GRIP1: variants seen among roughly 807,000 people sequenced by gnomAD.
GRIP1 encodes glutamate receptor interacting protein 1, also known as glutamate receptor-interacting protein 1.
GRIP1 carries 45 observed loss-of-function variants against 129.9 expected under a neutral mutation model. The ratio of observed to expected loss-of-function variants is 0.35; its 90% confidence interval spans 0.27 to 0.44. The LOEUF (loss-of-function observed/expected upper bound fraction) is 0.44. GRIP1 is among the 20% of genes least tolerant of loss of function. The probability of loss-of-function intolerance (pLI) is 1.00; values close to 1 mark genes in which losing one functional copy is unlikely to be tolerated. For missense variants in GRIP1, 1,196 were observed against 1,396.8 expected (o/e 0.86, Z 2.29); for synonymous variants, 530 against 520.8 (o/e 1.02, Z -0.24).
intron 1 of GRIP1, among the ~76,000 whole-genome samples, chr12:66,926,491 C>A (rs796951795): frequency 1.8e-4 from 28 of 152,282 alleles, no homozygotes; most frequent in African/African-American, 6.7e-4. Flanking sequence ...GTTCTGCCTC[C>A]ATCATTTACT....
intron 1 of GRIP1, among the ~76,000 whole-genome samples, chr12:66,922,109 A>T (rs1250726524): frequency 7.2e-6 from 1 of 138,498 alleles, no homozygotes; most frequent in African/African-American, 2.6e-5. Context: ...TTTAGAAACC[A>T]ACGGTTTATA....
intron 1 of GRIP1, among the ~76,000 whole-genome samples, chr12:66,889,741 A>G (rs976577422): frequency 2.0e-5 from 3 of 152,342 alleles, no homozygotes; most frequent in Non-Finnish European, 2.9e-5. Flanking sequence ...CACAAATGTC[A>G]TCATGTGTTA....
chr12:66,499,535 A>C (rs934213562), intron 7 of GRIP1, among the ~76,000 whole-genome samples: 1 of 152,348 alleles, frequency 6.6e-6, no homozygotes, highest in Non-Finnish European at 1.5e-5. Flanking sequence ...GGGTAGAAAT[A>C]GCTTCTGTTG....
At chr12:66,724,002 C>A (rs2036176331) in intron 1 of GRIP1, among the ~76,000 whole-genome samples, 1 of 152,176 alleles carries the variant, frequency 6.6e-6, no homozygotes, top group African/African-American at 2.4e-5. Context: ...AAGCATCATG[C>A]CCTTGTGCCA....
At chr12:67,029,195 T>A (rs1014486437) in intron 1 of GRIP1, among the ~76,000 whole-genome samples, 3 of 152,116 alleles carry the variant, frequency 2.0e-5, no homozygotes, top group African/African-American at 7.2e-5. Flanking sequence ...CACTGCAACC[T>A]CCGCCTCTCA....
chr12:67,003,428 A>G (rs570606567), intron 1 of GRIP1, among the ~76,000 whole-genome samples: 7 of 152,300 alleles, frequency 4.6e-5, no homozygotes, highest in African/African-American at 1.7e-4. Context: ...GTGGTGGCTC[A>G]TGCCTGTAAT....
At chr12:66,682,253 T>A (rs528655761), upstream of GRIP1, among the ~76,000 whole-genome samples, 1 of 152,286 alleles carries the variant, frequency 6.6e-6, no homozygotes, top group East Asian at 1.9e-4. Context: ...GAAGCACAGC[T>A]CATGGTTCTA....
At chr12:66,625,616 C>T (rs1346185792) in intron 1 of GRIP1, among the ~76,000 whole-genome samples, 1 of 152,046 alleles carries the variant, frequency 6.6e-6, no homozygotes, top group Non-Finnish European at 1.5e-5. Flanking sequence ...TGGAATTACC[C>T]TTGAAATTTG....
At chr12:66,947,874 G>A (rs1394266) in intron 1 of GRIP1, among the ~76,000 whole-genome samples, 18,183 of 152,190 alleles carry the variant, frequency 0.12, 1,432 homozygotes, top group African/African-American at 0.22. Context: ...CAGCTGAAAT[G>A]AAGGAACCAT....
At chr12:66,602,315 T>A (rs1283506643) in intron 1 of GRIP1, among the ~76,000 whole-genome samples, 4 of 152,206 alleles carry the variant, frequency 2.6e-5, no homozygotes, top group African/African-American at 4.8e-5. Context: ...AGGATAACTG[T>A]TAAGGCTTTT....
chr12:66,525,783 C>T (rs1474186973), intron 5 of GRIP1, among the ~76,000 whole-genome samples: 4 of 152,118 alleles, frequency 2.6e-5, no homozygotes, highest in Non-Finnish European at 4.4e-5. Context: ...TAGAAAACCC[C>T]ATCGTCTCAG....
chr12:66,847,987 C>G (rs991521081), intron 1 of GRIP1, among the ~76,000 whole-genome samples: 4 of 152,106 alleles, frequency 2.6e-5, no homozygotes, highest in Admixed American at 2.0e-4. Flanking sequence ...GTCATAATTT[C>G]TCTCATTAAC....
At chr12:66,980,682 TATAA>T (rs1318000953) in intron 1 of GRIP1, among the ~76,000 whole-genome samples, 2 of 152,312 alleles carry the variant, frequency 1.3e-5, no homozygotes, top group South Asian at 2.1e-4. Context: ...ATCCTTATTA[TATAA>T]ATGAGAAAAT....
intron 1 of GRIP1, among the ~76,000 whole-genome samples, chr12:67,037,867 A>G (rs892275120): frequency 6.6e-6 from 1 of 152,198 alleles, no homozygotes; most frequent in Non-Finnish European, 1.5e-5. Flanking sequence ...TTGAAAGTAG[A>G]CCGTGCTTCA....
intron 1 of GRIP1, among the ~76,000 whole-genome samples, chr12:66,892,702 G>A (rs1203359407): frequency 6.6e-6 from 1 of 152,104 alleles, no homozygotes; most frequent in African/African-American, 2.4e-5. Flanking sequence ...TAGCTCACAC[G>A]TGCAATCCCT....
chr12:67,055,760 T>C (rs2043424514), intron 1 of GRIP1, among the ~76,000 whole-genome samples: 1 of 152,222 alleles, frequency 6.6e-6, no homozygotes, highest in African/African-American at 2.4e-5. Flanking sequence ...GAGAATAGTT[T>C]TGGTCTCACA....
At chr12:67,005,883 A>G (rs1300302515) in intron 1 of GRIP1, among the ~76,000 whole-genome samples, 1 of 152,224 alleles carries the variant, frequency 6.6e-6, no homozygotes, top group Admixed American at 6.5e-5. Flanking sequence ...CACCAATGGT[A>G]AAGACTAGTG....
At chr12:66,839,806 A>G (rs116066510) in intron 1 of GRIP1, among the ~76,000 whole-genome samples, 198 of 152,292 alleles carry the variant, frequency 1.3e-3, no homozygotes, top group African/African-American at 4.6e-3. Flanking sequence ...AATGGCACTT[A>G]CTCTGTGCAA....
At chr12:66,820,374 A>G (rs1592876122) in intron 1 of GRIP1, among the ~76,000 whole-genome samples, 1 of 152,244 alleles carries the variant, frequency 6.6e-6, no homozygotes, top group African/African-American at 2.4e-5. Context: ...GAGGATGTGG[A>G]GCAGCAGGAA....
Sources: gnomAD v4.1 joint callset for allele counts (sites outside exome capture counted in the v4.1 genomes callset) on GRCh38, gnomAD v4.1.1 for gene constraint, MANE v1.5 for transcripts, NCBI Gene and HGNC (gene_info 2026-07-23, HGNC 2026-07-21) for gene names.